The following FGF14 variants were observed in gnomAD, a reference collection of about 807,000 sequenced individuals.
FGF14 encodes fibroblast growth factor 14, also known as fibroblast growth factor homologous factor 4.
A neutral mutation model predicts 25.5 loss-of-function variants in FGF14; 5 were observed. That is an observed-to-expected ratio of 0.20 (90% CI 0.10 to 0.41). The LOEUF is 0.41. Ranked by LOEUF, FGF14 falls within the 10% of genes least tolerant of loss-of-function variation. The probability of loss-of-function intolerance (pLI) is 1.00; values close to 1 mark genes in which losing one functional copy is unlikely to be tolerated. For missense variants in FGF14, 222 were observed against 320.1 expected, an observed-to-expected ratio of 0.69 and a Z score of 2.34; for synonymous variants, 138 against 118.3, an observed-to-expected ratio of 1.17 and a Z score of -1.08.
At chr13:101,911,763 C>A (rs938164010) in intron 1 of FGF14, among the ~76,000 whole-genome samples, 8 of 151,976 alleles carry the variant, frequency 5.3e-5, no homozygotes, top group Non-Finnish European at 1.2e-4. Flanking sequence ...ATACAACTAA[C>A]AAATAATAAA....
At chr13:102,148,729 T>C (rs908979797) in intron 1 of FGF14, among the ~76,000 whole-genome samples, 5 of 151,950 alleles carry the variant, frequency 3.3e-5, no homozygotes, top group Admixed American at 6.6e-5. Flanking sequence ...AGGTGGACGT[T>C]GCAGTGAGCC....
intron 1 of FGF14, among the ~76,000 whole-genome samples, chr13:102,258,920 C>T (rs1273158543): frequency 6.6e-6 from 1 of 152,184 alleles, no homozygotes; most frequent in Non-Finnish European, 1.5e-5. Context: ...GGTTGGACTT[C>T]AGGGGCTCTT....
At chr13:101,889,395 A>G (rs1035742738) in intron 1 of FGF14, among the ~76,000 whole-genome samples, 2 of 152,204 alleles carry the variant, frequency 1.3e-5, no homozygotes, top group African/African-American at 2.4e-5. Flanking sequence ...ATTTGAAGAA[A>G]GGAATTTGAT....
chr13:101,810,079 G>T (rs972736852), intron 3 of FGF14, among the ~76,000 whole-genome samples: 9 of 152,130 alleles, frequency 5.9e-5, no homozygotes, highest in Non-Finnish European at 1.3e-4. Flanking sequence ...AAGACATAAT[G>T]TCAAAACTCC....
chr13:102,207,261 T>C (rs2049967476), intron 1 of FGF14, among the ~76,000 whole-genome samples: 2 of 151,526 alleles, frequency 1.3e-5, no homozygotes, highest in South Asian at 4.2e-4. Context: ...GCCTGGGAGA[T>C]ACAGTGAGAC....
intron 1 of FGF14, among the ~76,000 whole-genome samples, chr13:102,048,187 G>A (rs115513340): frequency 1.8e-3 from 272 of 152,248 alleles, no homozygotes; most frequent in African/African-American, 6.4e-3. Context: ...TGTGGTAGAT[G>A]AGGAAACAGC....
chr13:102,294,552 G>A (rs1024218027), intron 1 of FGF14, among the ~76,000 whole-genome samples: 3 of 151,998 alleles, frequency 2.0e-5, no homozygotes, highest in Admixed American at 2.0e-4. Context: ...TTAACTCCAG[G>A]GGCATTCTTT....
At chr13:101,807,272 TCAG>T (rs1649005916) in intron 3 of FGF14, among the ~76,000 whole-genome samples, 1 of 152,140 alleles carries the variant, frequency 6.6e-6, no homozygotes, top group African/African-American at 2.4e-5. Flanking sequence ...TAGAGTTGCA[TCAG>T]TACTTTAACT....
intron 1 of FGF14, among the ~76,000 whole-genome samples, chr13:102,297,916 G>A (rs528800925): frequency 7.9e-5 from 12 of 152,142 alleles, no homozygotes; most frequent in Middle Eastern, 3.4e-3. Flanking sequence ...TGGAAAGCTG[G>A]CCACAGTGGC....
intron 3 of FGF14, among the ~76,000 whole-genome samples, chr13:101,763,059 A>G (rs973820073): frequency 8.5e-5 from 13 of 152,200 alleles, no homozygotes; most frequent in Non-Finnish European, 1.6e-4. Flanking sequence ...TCACAAGGAA[A>G]GGCAAACATA....
In FGF14 at chr13:101,719,171, T is replaced by C. The variant is rs2034831626; in HGVS notation, c.*3660A>G. On this transcript the variant is annotated 3_prime_UTR_variant, in exon 5 of 5. Transcript: ENST00000376143. ...AGATAATTTTAAATGAAGTGATACG[T>C]GTCTAACTTACTTAAAGAATAAGTT... 6.6e-6 allele frequency: 1 copy of C among 152,190 alleles called. No individual in the cohort carries two copies. The highest frequency in any genetic ancestry group is 1.5e-5 in the Non-Finnish European group (1 of 68,026). 9.4% of individuals were successfully genotyped at this position (152,190 alleles called of 1,614,324 possible).
Position 102,105,878 on chromosome 13 carries a change from A to G in FGF14, c.209-230582T>C, listed in dbSNP as rs79732854. On this transcript the variant is annotated intron_variant, in intron 1 of 4. Coordinates refer to the FGF14 transcript ENST00000376131. ...ATAATGTGTTTGTTTTAAATTATCA[A>G]TGGCATTATCTATTAATTATTATCA... Among the ~76,000 whole-genome samples, 656 of 152,324 alleles carry G rather than the reference A, an allele frequency of 4.3e-3. 9 individuals are homozygous for G. Among genetic ancestry groups the G allele is most frequent in the African/African-American group, 0.015 (607 of 41,584 alleles).
chr13:102,077,924 G>GTA (rs950760054), intron 1 of FGF14, among the ~76,000 whole-genome samples: 41 of 152,178 alleles, frequency 2.7e-4, no homozygotes, highest in African/African-American at 9.9e-4. Flanking sequence ...TTTAAATGTG[G>GTA]TATATATATA....
chr13:102,151,627 T>C (rs1566749101), intron 1 of FGF14, among the ~76,000 whole-genome samples: 1 of 152,064 alleles, frequency 6.6e-6, no homozygotes, highest in Non-Finnish European at 1.5e-5. Flanking sequence ...GCCTCCAGAG[T>C]AGCTGGGATT....
At chr13:101,850,505 TATATATATA>T (rs1313092165) in intron 3 of FGF14, among the ~76,000 whole-genome samples, 4,210 of 7,808 alleles carry the variant, frequency 0.54, 1,301 homozygotes, top group South Asian at 0.79. Context: ...TATATATATA[TATATATATA>T]GAATTATATA....
At chr13:102,217,516 C>T (rs1464433547) in intron 1 of FGF14, among the ~76,000 whole-genome samples, 2 of 152,022 alleles carry the variant, frequency 1.3e-5, no homozygotes, top group Non-Finnish European at 2.9e-5. Context: ...AGATCATTTG[C>T]CACAAATGAG....
At chr13:102,378,368 A>G (rs1433266611) in intron 1 of FGF14, among the ~76,000 whole-genome samples, 1 of 152,234 alleles carries the variant, frequency 6.6e-6, no homozygotes, top group Non-Finnish European at 1.5e-5. Flanking sequence ...CTCCAAAAAT[A>G]TAAAGTCTTT....
At chr13:101,904,391 A>G (rs570805984) in intron 1 of FGF14, among the ~76,000 whole-genome samples, 9 of 152,338 alleles carry the variant, frequency 5.9e-5, no homozygotes, top group Non-Finnish European at 1.2e-4. Context: ...CAACAGGCCT[A>G]TCTCTGGAGA....
rs2039187230 is a variant in FGF14, at chr13:101,777,320, T to C, written c.409-50510A>G. The stretch of plus-strand genomic sequence containing the variant: ...GCAAACTTCTTTTGTTATAAGAAGG[T>C]TGTATTCTGTCACTAGTGAGTAACG... On this transcript the variant is annotated intron_variant, in intron 3 of 4. Coordinates refer to ENST00000376143, the MANE Select transcript of FGF14 (RefSeq NM_004115.4). Among the ~76,000 whole-genome samples the C allele has an allele frequency of 2.0e-5, 3 of 152,148 alleles. No individual in the cohort carries two copies. The South Asian group carries it at 6.2e-4, about 31-fold the overall frequency.
Sources: allele counts gnomAD v4.1 joint callset (sites outside exome capture counted in the v4.1 genomes callset), GRCh38; gene constraint gnomAD v4.1.1; transcripts MANE v1.5; gene names NCBI Gene and HGNC (gene_info 2026-07-23, HGNC 2026-07-21).